RNLS: variants seen among roughly 807,000 people sequenced by gnomAD.
RNLS encodes renalase, FAD dependent amine oxidase.
A neutral mutation model predicts 39.8 loss-of-function variants in RNLS; 39 were observed. The ratio of observed to expected loss-of-function variants is 0.98; its 90% CI spans 0.76 to 1.28. The LOEUF (loss-of-function observed/expected upper bound fraction) is 1.28, where lower values mean the gene tolerates loss of function less well. Ranked by LOEUF, RNLS falls within the 50% of genes most tolerant of loss-of-function variation. The probability of loss-of-function intolerance (pLI) is 0.00; values close to 1 mark genes in which losing one functional copy is unlikely to be tolerated. For synonymous variants in RNLS, 147 were observed against 150.7 expected, an observed-to-expected ratio of 0.98 and a Z score of 0.18; for missense variants, 410 against 413.3, an observed-to-expected ratio of 0.99 and a Z score of 0.07.
intron 6 of RNLS, among the ~76,000 whole-genome samples, chr10:88,313,730 G>A (rs1404778441): frequency 6.6e-6 from 1 of 152,164 alleles, no homozygotes; most frequent in Non-Finnish European, 1.5e-5. Context: ...GAAAAAAATG[G>A]ACAACTCACT....
chr10:88,442,872 T>C (rs559861000), intron 4 of RNLS, among the ~76,000 whole-genome samples: 4 of 152,330 alleles, frequency 2.6e-5, no homozygotes, highest in East Asian at 1.9e-4. Context: ...GATCCTAACA[T>C]GAGGCCCTCC....
chr10:88,454,010 G>A (rs899912854), intron 4 of RNLS, among the ~76,000 whole-genome samples: 2 of 152,144 alleles, frequency 1.3e-5, no homozygotes, highest in African/African-American at 2.4e-5. Context: ...CAGAGTTATT[G>A]GAATACAGAC....
chr10:88,443,903 T>G (rs10788601), intron 4 of RNLS, among the ~76,000 whole-genome samples: 1 of 152,138 alleles, frequency 6.6e-6, no homozygotes, highest in Non-Finnish European at 1.5e-5. Flanking sequence ...GGGCAGGGCA[T>G]AGCCGAACAA....
chr10:88,175,503 T>C, the RNLS span, among the ~76,000 whole-genome samples: 3 of 152,198 alleles, frequency 2.0e-5, no homozygotes, highest in Non-Finnish European at 4.4e-5. Context: ...ATTGACTCAT[T>C]GGTTATTCAG....
intron 4 of RNLS, among the ~76,000 whole-genome samples, chr10:88,543,952 G>A (rs1043250811): frequency 6.6e-6 from 1 of 152,126 alleles, no homozygotes; most frequent in Non-Finnish European, 1.5e-5. Flanking sequence ...TCTATTTTCT[G>A]TTAAGTCTGA....
chr10:88,396,970 A>T (rs1314549451), intron 4 of RNLS, among the ~76,000 whole-genome samples: 1 of 151,990 alleles, frequency 6.6e-6, no homozygotes, highest in Non-Finnish European at 1.5e-5. Flanking sequence ...ACAGGGTCCC[A>T]AAATACATGA....
At chr10:88,430,189 T>A (rs988088827) in intron 4 of RNLS, among the ~76,000 whole-genome samples, 1 of 151,922 alleles carries the variant, frequency 6.6e-6, no homozygotes, top group Non-Finnish European at 1.5e-5. Context: ...TAATGTTTTA[T>A]AGTTTTCCAT....
the RNLS span, among the ~76,000 whole-genome samples, chr10:88,246,470 C>G: frequency 6.6e-6 from 1 of 152,080 alleles, no homozygotes; most frequent in Non-Finnish European, 1.5e-5. Flanking sequence ...TTCACTACTT[C>G]TGGCTTTCCC....
rs138082997 is a variant in RNLS at position 88,518,671 on chromosome 10, T to C, written c.526+54232A>G. The stretch of plus-strand genomic sequence containing the variant: ...GGGTAAACCTGGGATGCTTAAGCAC[T>C]TGTTTTGGAAAAAAATCACTGTCTA... On this transcript the variant is annotated intron_variant, in intron 4 of 6. Transcript: ENST00000331772. 3.9e-3 allele frequency among the ~76,000 whole-genome samples: 600 copies of C among 152,054 alleles called. 3 individuals are homozygous for C. The highest frequency in any genetic ancestry group is 0.027 in the Middle Eastern group (8 of 294).
the RNLS span, among the ~76,000 whole-genome samples, chr10:88,233,086 T>C: frequency 1.3e-5 from 2 of 152,176 alleles, no homozygotes; most frequent in African/African-American, 4.8e-5. Flanking sequence ...CCAAATCAGG[T>C]CTGCCTGCGT....
chr10:88,273,891 T>C (rs1383384464), exon 7 of RNLS: 1 of 152,226 alleles, frequency 6.6e-6, no homozygotes, highest in East Asian at 1.9e-4. Context: ...TTAATTTGTA[T>C]ACTTTTTGTT....
chr10:88,497,795 G>C (rs1343519872), intron 4 of RNLS, among the ~76,000 whole-genome samples: 2 of 152,076 alleles, frequency 1.3e-5, no homozygotes. Context: ...CCTGTCCAAA[G>C]GGAAGGTGTG....
At chr10:88,446,651 A>T (rs780650943) in intron 4 of RNLS, among the ~76,000 whole-genome samples, 7 of 152,204 alleles carry the variant, frequency 4.6e-5, no homozygotes, top group Non-Finnish European at 8.8e-5. Context: ...GATCCCACAG[A>T]AATGCAAACT....
intron 6 of RNLS, among the ~76,000 whole-genome samples, chr10:88,313,828 A>G (rs1443075255): frequency 1.3e-5 from 2 of 152,222 alleles, no homozygotes; most frequent in Admixed American, 1.3e-4. Flanking sequence ...TTTTCTATGA[A>G]TACTCACTTC....
intron 5 of RNLS, among the ~76,000 whole-genome samples, chr10:88,335,328 C>A (rs1847407000): frequency 6.6e-6 from 1 of 152,056 alleles, no homozygotes; most frequent in African/African-American, 2.4e-5. Context: ...AGCAATCCTC[C>A]CACCTCAGCC....
the RNLS span, among the ~76,000 whole-genome samples, chr10:88,213,186 T>C: frequency 6.6e-6 from 1 of 152,140 alleles, no homozygotes; most frequent in East Asian, 1.9e-4. Flanking sequence ...AAGCCCTTTT[T>C]TGGCAAATAA....
chr10:88,405,075 T>C (rs1218598164), intron 4 of RNLS, among the ~76,000 whole-genome samples: 1 of 152,086 alleles, frequency 6.6e-6, no homozygotes, highest in East Asian at 1.9e-4. Flanking sequence ...GAAATGTTCC[T>C]TCTCTGGGGA....
At chr10:88,317,353 C>T (rs137875595) in intron 5 of RNLS, among the ~76,000 whole-genome samples, 39 of 152,298 alleles carry the variant, frequency 2.6e-4, no homozygotes, top group African/African-American at 9.1e-4. Context: ...ACATAAAAGC[C>T]TTCCTTCAAA....
At chr10:88,581,471 T>G (rs1044562647) in intron 3 of RNLS, 96 bp downstream of exon 3, 2 of 1,069,464 alleles carry the variant, frequency 1.9e-6, no homozygotes, top group African/African-American at 3.3e-5. Context: ...CACCTAATAT[T>G]TATAATTTCC....
Sources: allele counts gnomAD v4.1 joint callset (sites outside exome capture counted in the v4.1 genomes callset), GRCh38; gene constraint gnomAD v4.1.1; transcripts MANE v1.5; gene names NCBI Gene and HGNC (gene_info 2026-07-23, HGNC 2026-07-21).